The following ZNF878 variants were observed in gnomAD, a reference collection of about 807,000 sequenced individuals.
ZNF878 encodes zinc finger protein 878.
In ZNF878, 10 loss-of-function variants were observed where a neutral mutation model predicts 11.1. The ratio of observed to expected loss-of-function variants is 0.90; its 90% CI spans 0.56 to 1.53. ZNF878 has a LOEUF of 1.53. Ranked by LOEUF, ZNF878 falls within the 40% of genes most tolerant of loss-of-function variation. The pLI, the probability that ZNF878 is intolerant of heterozygous loss-of-function variation, is 0.00. For synonymous variants in ZNF878, 165 were observed against 209.7 expected (o/e 0.79, Z 1.84); for missense variants, 548 against 626.1 (o/e 0.88, Z 1.33).
chr19:12,044,608 T>C lies in ZNF878; in HGVS notation c.793A>G (p.Asn265Asp), dbSNP rs377120157. The C allele has an allele frequency of 9.9e-6, 16 of 1,614,024 alleles. No homozygotes were observed. The highest frequency in any genetic ancestry group is 1.4e-5 in the Non-Finnish European group (16 of 1,180,028). The change falls in exon 4 of 4, where the codon AAT becomes GAT. Residue 265 changes from asparagine (N) to aspartate (D), a missense_variant. Asn to Asp is a conservative substitution (Grantham distance 23). This residue lies in a region of ZNF878 where 335 missense variants were observed against 358.2 expected (regional missense o/e 0.94). Transcript: ENST00000547628. The stretch of plus-strand genomic sequence containing the variant: ...TGATATTGAAAGGAACTGGGACAAT[T>C]GAAGGCTTTATCACATTGCTTGCAT... ...YKCKQCDKAF[N>D]CPSSFQYHER... is the part of the protein sequence containing the mutation.
rs1432101952 is a variant in ZNF878, at chr19:12,046,766, A to G, written c.4-6T>C. ...TCCTCAAAGGCCACCGAATCCTGAA[A>G]TATCCCACATGTGGACAGGAGGATG... On this transcript the variant is annotated splice_region_variant and splice_polypyrimidine_tract_variant and intron_variant, in intron 1 of 3. Transcript: ENST00000547628. The G allele has an allele frequency of 6.2e-7, 1 of 1,613,798 alleles. No homozygotes were observed. The highest frequency in any genetic ancestry group is 8.5e-7 in the Non-Finnish European group (1 of 1,179,830).
intron 1 of ZNF878, 56 bp from the exon 2 acceptor site, chr19:12,046,816 C>G: frequency 6.2e-7 from 1 of 1,606,488 alleles, no homozygotes; most frequent in South Asian, 1.1e-5. Flanking sequence ...CACTGGGTTT[C>G]TATACCCTAT....
Position 12,043,833 on chromosome 19 carries a change from T to G in ZNF878, c.1568A>C (p.Gln523Pro). 1 of 1,608,706 alleles carries G rather than the reference T, an allele frequency of 6.2e-7. No individual in the cohort carries two copies. The highest frequency in any genetic ancestry group is 8.5e-7 in the Non-Finnish European group (1 of 1,178,256). The change falls in exon 4 of 4, where the codon CAA becomes CCA. Residue 523 changes from glutamine (Q) to proline (P), a missense_variant. Physicochemically the swap from Gln to Pro is moderately conservative, Grantham distance 76. Around this residue, in one of 3 missense-constraint regions of ZNF878, gnomAD observed 335 missense variants for 358.2 expected, o/e 0.94. Transcript: ENST00000547628. Reference protein sequence around the residue: ...GKAFRSASILQKHVRTHAG With the variant: ...GKAFRSASILPKHVRTHAG ...GCCAGCGTGAGTCCTTACATGCTTT[T>G]GAAGGATTGAGGCAGATCTAAAGGC...
chr19:12,046,343 G>T, intron 3 of ZNF878, 25 bp downstream of exon 3: 2 of 1,508,704 alleles, frequency 1.3e-6, no homozygotes, highest in African/African-American at 1.4e-5. Flanking sequence ...CAGAGACATT[G>T]TTTTCTCTTT....
At position 12,052,958 on chromosome 19, in the gene ZNF878, G is replaced by A. The variant is rs1431757694; in HGVS notation, c.-157C>T. 7.5e-7 allele frequency: 1 copy of A among 1,326,086 alleles called. No individual in the cohort carries two copies. Among genetic ancestry groups the A allele is most frequent in the Non-Finnish European group, 1.0e-6 (1 of 980,188 alleles). 82.1% of individuals were successfully genotyped at this position (1,326,086 alleles called of 1,614,324 possible). ...CCTTAACTAGCGCGAGCAGCCCTAGGAGTGAAGAGAGCGGGAATGCAACCT... is the reference window on the plus strand; with the variant it reads ...CCTTAACTAGCGCGAGCAGCCCTAGAAGTGAAGAGAGCGGGAATGCAACCT... On this transcript the variant is annotated 5_prime_UTR_variant, in exon 1 of 4. Transcript: ENST00000547628.
At chr19:12,051,489 G>T (rs931870571) in intron 1 of ZNF878, among the ~76,000 whole-genome samples, 1 of 151,276 alleles carries the variant, frequency 6.6e-6, no homozygotes, top group Non-Finnish European at 1.5e-5. Context: ...CTTTCACCAT[G>T]GCTGGAGTGC....
At chr19:12,047,102 CAA>C in intron 1 of ZNF878, among the ~76,000 whole-genome samples, 1 of 152,196 alleles carries the variant, frequency 6.6e-6, no homozygotes, top group East Asian at 1.9e-4. Flanking sequence ...AATTTCTGAG[CAA>C]AACAAATTTA....
In ZNF878 at chr19:12,044,293, T is replaced by A; in HGVS notation, c.1108A>T (p.Lys370Ter). ...GAAGTGAAGGTTTTCCCACATTGTT[T>A]ACATTCAAAGGGTTTCTCTCCAGTG... ...THTGEKPFEC[K>*]QCGKTFTSSN... Residue 370 changes from lysine to a stop codon, truncating the protein, a stop_gained, in exon 4 of 4, where the codon AAA becomes TAA. Coordinates refer to ENST00000547628, the MANE Select transcript of ZNF878 (RefSeq NM_001080404.3). LOFTEE classifies it low-confidence loss of function (END_TRUNC). The A allele has an allele frequency of 6.2e-7, 1 of 1,614,084 alleles. No individual in the cohort carries two copies. The highest frequency in any genetic ancestry group is 1.3e-5 in the African/African-American group (1 of 75,040).
At chr19:12,051,030 A>G (rs1028736240) in intron 1 of ZNF878, among the ~76,000 whole-genome samples, 2 of 142,738 alleles carry the variant, frequency 1.4e-5, no homozygotes, top group African/African-American at 2.5e-5. Context: ...CGGGAGGCGG[A>G]GCTTGCAGTG....
intron 1 of ZNF878, among the ~76,000 whole-genome samples, chr19:12,047,973 T>C (rs1213204179): frequency 6.6e-6 from 1 of 152,200 alleles, no homozygotes; most frequent in East Asian, 1.9e-4. Flanking sequence ...CATTTTCATA[T>C]GGCAAAGAAA....
downstream of ZNF878, chr19:12,043,693 G>T: frequency 1.8e-6 from 2 of 1,091,842 alleles, no homozygotes; most frequent in Non-Finnish European, 2.6e-6. Context: ...CTCCTGCCTT[G>T]GCTTCCCAAA....
chr19:12,046,360 C>A lies in ZNF878; in HGVS notation c.191+8G>T, dbSNP rs780569754. On this transcript the variant is annotated splice_region_variant and intron_variant, in intron 3 of 3. Coordinates refer to ENST00000547628, the MANE Select transcript of ZNF878 (RefSeq NM_001080404.3). ...GAGACATTGTTTTCTCTTTTAAGTGCCAGTTACCTTAGGTTTCTCCTAGGA... is the reference window on the plus strand; with the variant it reads ...GAGACATTGTTTTCTCTTTTAAGTGACAGTTACCTTAGGTTTCTCCTAGGA... 3.5e-5 allele frequency: 55 copies of A among 1,554,422 alleles called. No individual in the cohort carries two copies. Among genetic ancestry groups the A allele is most frequent in the Non-Finnish European group, 4.6e-5 (53 of 1,146,434 alleles).
At chr19:12,048,517 CA>C (rs1175266424) in intron 1 of ZNF878, among the ~76,000 whole-genome samples, 4 of 140,744 alleles carry the variant, frequency 2.8e-5, no homozygotes, top group South Asian at 4.5e-4. Context: ...GACTCCATCT[CA>C]AAAAAAGAAA....
rs1975428420 is a variant in ZNF878 at position 12,044,079 on chromosome 19, T to C, written c.1322A>G (p.His441Arg). The change falls in exon 4 of 4, where the codon CAT (histidine) becomes CGT (arginine). Residue 441 changes from histidine (H) to arginine (R), a missense_variant. This residue lies in a region of ZNF878 where 335 missense variants were observed against 358.2 expected (regional missense o/e 0.94). Coordinates refer to ENST00000547628, the MANE Select transcript of ZNF878 (RefSeq NM_001080404.3). Reference protein sequence around the residue: ...VFRVASQLKMHERTHTGEKPY... With the variant: ...VFRVASQLKMRERTHTGEKPY... The stretch of plus-strand genomic sequence containing the variant: ...TTTCTCTCCTGTGTGAGTCCTTTCA[T>C]GCATTTTAAGTTGTGAGGCAACTCT... 12 of 1,614,160 alleles carry C rather than the reference T, an allele frequency of 7.4e-6. No homozygotes were observed. In the East Asian group the frequency reaches 2.5e-4, roughly 33 times the overall value.
rs1038679891 is a variant in ZNF878, at chr19:12,052,913, C to A, written c.-112G>T. The A allele has an allele frequency of 4.1e-6, 6 of 1,474,740 alleles. No individual in the cohort carries two copies. The highest frequency in any genetic ancestry group is 5.5e-6 in the Non-Finnish European group (6 of 1,095,876). 91.4% of individuals were successfully genotyped at this position (1,474,740 alleles called of 1,614,324 possible). A position where few individuals can be genotyped will look rare whatever the true frequency, so the allele number is the denominator to read the frequency against. On this transcript the variant is annotated 5_prime_UTR_variant, in exon 1 of 4. Coordinates refer to ENST00000547628, the MANE Select transcript of ZNF878 (RefSeq NM_001080404.3). Reference sequence around the variant, plus strand: ...TACGGCGGAAGTAACTGGTCCCTCTCGGAGCAAGAAAGCCCCAGACCTTAA... The same window carrying A: ...TACGGCGGAAGTAACTGGTCCCTCTAGGAGCAAGAAAGCCCCAGACCTTAA...
Position 12,044,686 on chromosome 19 carries a change from G to A in ZNF878, c.715C>T (p.Pro239Ser). The A allele has an allele frequency of 6.2e-7, 1 of 1,613,338 alleles. No individual in the cohort carries two copies. The change falls in exon 4 of 4, where the codon CCC (proline) becomes TCC (serine). Residue 239 changes from proline to serine, a missense_variant. This residue lies in a region of ZNF878 where 335 missense variants were observed against 358.2 expected (regional missense o/e 0.94). Transcript: ENST00000547628. ...CNICGKAFFS[P>S]SSLKRHEKSH... is the part of the protein sequence containing the mutation. ...TTCTCGTGTCTTTTTAACGAACTGGGAGAAAAAAAGGCTTTCCCACATATG... is the reference window on the plus strand; with the variant it reads ...TTCTCGTGTCTTTTTAACGAACTGGAAGAAAAAAAGGCTTTCCCACATATG...
At chr19:12,051,957 G>A (rs1021108199) in intron 1 of ZNF878, among the ~76,000 whole-genome samples, 1 of 152,130 alleles carries the variant, frequency 6.6e-6, no homozygotes, top group African/African-American at 2.4e-5. Flanking sequence ...GGGGAAGGGG[G>A]CGGGGACTGG....
At chr19:12,052,417 GA>G (rs930463638) in intron 1 of ZNF878, among the ~76,000 whole-genome samples, 2 of 150,870 alleles carry the variant, frequency 1.3e-5, no homozygotes, top group African/African-American at 2.4e-5. Flanking sequence ...TTTTTAACTG[GA>G]AAAAAAAAGG....
intron 2 of ZNF878, 52 bp from the exon 3 acceptor site, chr19:12,046,480 A>C: frequency 1.3e-6 from 2 of 1,559,862 alleles, no homozygotes; most frequent in South Asian, 2.4e-5. Context: ...AATTATTTTA[A>C]AAAGTTACTT....
Sources: allele counts gnomAD v4.1 joint callset (sites outside exome capture counted in the v4.1 genomes callset), GRCh38; gene constraint gnomAD v4.1.1; regional missense constraint gnomAD v4.1.1; transcripts MANE v1.5; gene names NCBI Gene and HGNC (gene_info 2026-07-23, HGNC 2026-07-21).